Variants in OSBPL5 observed in about 807,000 individuals in gnomAD.
OSBPL5 encodes the protein oxysterol-binding protein-related protein 5.
Under a neutral mutation model 111.2 loss-of-function variants are expected in OSBPL5, and 71 were observed. That is an observed-to-expected ratio of 0.64 (90% CI 0.53 to 0.78). OSBPL5 has a LOEUF of 0.78. Ranked by LOEUF, OSBPL5 falls within the 30% of genes least tolerant of loss-of-function variation. OSBPL5 has a pLI of 0.00. For missense variants in OSBPL5, 1,210 were observed against 1,189.3 expected (o/e 1.02, Z -0.26); for synonymous variants, 549 against 513.9 (o/e 1.07, Z -0.93).
In OSBPL5 at chr11:3,161,990, G is replaced by A. The variant is rs988117427; in HGVS notation, c.-22+3226C>T. Among the ~76,000 whole-genome samples, 3 of 151,928 alleles carry A rather than the reference G, an allele frequency of 2.0e-5. No individual in the cohort carries two copies. Among genetic ancestry groups the A allele is most frequent in the Admixed American group, 6.5e-5 (1 of 15,272 alleles). ...GAGGGGAGAGGGAGGGGAGGGGAGG[G>A]GGAGAGGAGAACAAGGGAAGGGAGA... On this transcript the variant is annotated intron_variant, in intron 1 of 21. Transcript: ENST00000263650. This position sits in a 1 kb window ranked among gnomAD's most constrained non-coding sequence, Gnocchi z 8.0.
chr11:3,126,595 G>A lies in OSBPL5; in HGVS notation c.137-40C>T. On this transcript the variant is annotated intron_variant, in intron 2 of 21. Transcript: ENST00000263650. This position sits in a 1 kb window ranked among gnomAD's most constrained non-coding sequence, Gnocchi z 6.5. ...TGGGAGTGAGGACCCAGGCATGGTG[G>A]CGTGGCCAGGCTTCTCAGGCCGCTG... The A allele has an allele frequency of 6.4e-7, 1 of 1,552,562 alleles. No individual in the cohort carries two copies. The highest frequency in any genetic ancestry group is 8.7e-7 in the Non-Finnish European group (1 of 1,145,008).
At chr11:3,097,980 A>G (rs1857330810) in intron 14 of OSBPL5, among the ~76,000 whole-genome samples, 1 of 152,166 alleles carries the variant, frequency 6.6e-6, no homozygotes, top group East Asian at 1.9e-4. Context: ...AGGCAGGAGA[A>G]TTGCTTGAAC....
chr11:3,159,274 C>T (rs1353678755), intron 1 of OSBPL5, among the ~76,000 whole-genome samples: 1 of 152,188 alleles, frequency 6.6e-6, no homozygotes, highest in Admixed American at 6.5e-5. Context: ...TGGGGGATCT[C>T]ACTACCTCTG....
At position 3,121,970 on chromosome 11, in the gene OSBPL5, G is replaced by C; in HGVS notation, c.402+27C>G. 6.5e-7 allele frequency: 1 copy of C among 1,538,038 alleles called. No individual in the cohort carries two copies. On this transcript the variant is annotated intron_variant, in intron 5 of 21. Transcript: ENST00000263650. This position sits in a 1 kb window ranked among gnomAD's most constrained non-coding sequence, Gnocchi z 4.3. ...CAGCAGCACGCTGACCCGTGTCCTG[G>C]GTGGCCGGAGGCCGGGCATCACCTA...
At chr11:3,116,459 G>A (rs1367533025) in intron 7 of OSBPL5, among the ~76,000 whole-genome samples, 1 of 152,170 alleles carries the variant, frequency 6.6e-6, no homozygotes, top group Non-Finnish European at 1.5e-5. Context: ...TAGAGACTGT[G>A]ACATCAGAAT....
chr11:3,114,761 G>T (rs959751825), intron 7 of OSBPL5, among the ~76,000 whole-genome samples: 2 of 151,512 alleles, frequency 1.3e-5, no homozygotes, highest in African/African-American at 2.4e-5. Flanking sequence ...ACCACGCCTG[G>T]CTAATTTTTT....
chr11:3,118,358 C>T (rs1024480535), intron 7 of OSBPL5, among the ~76,000 whole-genome samples: 2 of 152,212 alleles, frequency 1.3e-5, no homozygotes, highest in African/African-American at 4.8e-5. Context: ...CCATTTGTCT[C>T]TAATCTACCT....
intron 16 of OSBPL5, 40 bp from the exon 17 acceptor site, chr11:3,093,703 G>T: frequency 1.2e-6 from 2 of 1,612,582 alleles, no homozygotes; most frequent in East Asian, 2.2e-5. Flanking sequence ...CTGGCCTGGC[G>T]TTGACCGCCC....
intron 14 of OSBPL5, 91 bp downstream of exon 14, chr11:3,100,067 T>A: frequency 1.5e-5 from 15 of 991,658 alleles, no homozygotes; most frequent in Non-Finnish European, 2.0e-5. Flanking sequence ...GAAGTAAAGA[T>A]ACCTTCAAGC....
At position 3,100,182 on chromosome 11, in the gene OSBPL5, T is replaced by A; in HGVS notation, c.1597A>T (p.Thr533Ser). The A allele has an allele frequency of 6.2e-7, 1 of 1,614,140 alleles. No individual in the cohort carries two copies. Among genetic ancestry groups the A allele is most frequent in the Non-Finnish European group, 8.5e-7 (1 of 1,180,030 alleles). ...FLNRAEDYTLTMPYAHCKGIL... is the reference protein window; with the variant it reads ...FLNRAEDYTLSMPYAHCKGIL... ...CCTTTGCAGTGGGCGTAGGGCATGGTAAGGGTGTAATCCTCGGCTCGGTTC... is the reference window on the plus strand; with the variant it reads ...CCTTTGCAGTGGGCGTAGGGCATGGAAAGGGTGTAATCCTCGGCTCGGTTC... Residue 533 changes from threonine to serine, a missense_variant, in exon 14 of 22, where the codon ACC (threonine) becomes TCC (serine). Coordinates refer to ENST00000263650, the MANE Select transcript of OSBPL5 (RefSeq NM_020896.4).
Position 3,112,024 on chromosome 11 carries a change from CATGTGTGTGT to C in OSBPL5, c.692-4089_692-4080del, listed in dbSNP as rs1327496014. On this transcript the variant is annotated intron_variant, in intron 7 of 21. Transcript: ENST00000263650. ...GTGTGTGTGTGCGCGCATGTGTGTGCATGTGTGTGTATGTGTGCGCGCATGTGTGTGCATG... is the reference window on the plus strand; with the variant it reads ...GTGTGTGTGTGCGCGCATGTGTGTGCATGTGTGCGCGCATGTGTGTGCATG... Among the ~76,000 whole-genome samples, 214 of 42,720 alleles carry C rather than the reference CATGTGTGTGT, an allele frequency of 5.0e-3. 2 individuals carry two copies. The highest frequency in any genetic ancestry group is 0.013 in the Non-Finnish European group (194 of 15,380). The allele number at this position is 42,720 out of a possible 152,430, so 28.0% of individuals were successfully genotyped here.
At chr11:3,143,195 G>A in intron 1 of OSBPL5, among the ~76,000 whole-genome samples, 1 of 116,654 alleles carries the variant, frequency 8.6e-6, no homozygotes, top group Non-Finnish European at 1.8e-5. Context: ...CCGGGCAGAG[G>A]AGGCAGGTGC....
At chr11:3,124,811 AATGGATGGATGG>A (rs71035488) in intron 3 of OSBPL5, among the ~76,000 whole-genome samples, 1 of 150,664 alleles carries the variant, frequency 6.6e-6, no homozygotes, top group Admixed American at 6.6e-5. Flanking sequence ...TGAATGGATG[AATGGATGGATGG>A]ATGGATGGAT....
chr11:3,106,390 C>T lies in OSBPL5; in HGVS notation c.1059+873G>A, dbSNP rs775769854. Among the ~76,000 whole-genome samples the T allele has an allele frequency of 2.6e-5, 4 of 151,992 alleles. No homozygotes were observed. Among genetic ancestry groups the T allele is most frequent in the Admixed American group, 6.5e-5 (1 of 15,276 alleles). On this transcript the variant is annotated intron_variant, in intron 9 of 21. Transcript: ENST00000263650. This position sits in a 1 kb window ranked among gnomAD's most constrained non-coding sequence, Gnocchi z 8.4. ...ATCCCAGATCACAGAGCCCCCCGTT[C>T]CTGACAGCCCCCACCCCAGAGCGCA...
chr11:3,156,919 G>A (rs557202543), intron 1 of OSBPL5, among the ~76,000 whole-genome samples: 2 of 152,286 alleles, frequency 1.3e-5, no homozygotes, highest in Admixed American at 1.3e-4. Flanking sequence ...CTTGCCCATG[G>A]CCCCACACAG....
Position 3,092,917 on chromosome 11 carries a change from C to G in OSBPL5, c.2082G>C (p.Gln694His). ...GGGTGATGGGGTCCAGGTGGAACAG[C>G]TGCGGCTTCCAGGGCATGAGGCTCT... ...RQESLMPWKPQLFHLDPITQE... is the reference protein window; with the variant it reads ...RQESLMPWKPHLFHLDPITQE... Residue 694 changes from glutamine (Q) to histidine (H), a missense_variant, in exon 18 of 22, where the codon CAG (glutamine) becomes CAC (histidine). Physicochemically the swap from Gln to His is conservative, Grantham distance 24. Coordinates refer to ENST00000263650, the MANE Select transcript of OSBPL5 (RefSeq NM_020896.4). This position sits in a 1 kb window ranked among gnomAD's most constrained non-coding sequence, Gnocchi z 5.4. 6 of 1,567,036 alleles carry G rather than the reference C, an allele frequency of 3.8e-6. No individual in the cohort carries two copies. Among genetic ancestry groups the G allele is most frequent in the South Asian group, 1.2e-5 (1 of 85,296 alleles).
Position 3,110,568 on chromosome 11 carries a change from A to G in OSBPL5, c.692-2623T>C, listed in dbSNP as rs1857888249. ...GTTGTTTCAATGGTGCCTGGTGTGA[A>G]AGGAAAATCTTGGGCCCCTCAAATC... On this transcript the variant is annotated intron_variant, in intron 7 of 21. Transcript: ENST00000263650. This position sits in a 1 kb window ranked among gnomAD's most constrained non-coding sequence, Gnocchi z 5.3. 6.6e-6 allele frequency among the ~76,000 whole-genome samples: 1 copy of G among 152,152 alleles called. No individual in the cohort carries two copies. The highest frequency in any genetic ancestry group is 6.5e-5 in the Admixed American group (1 of 15,274).
intron 4 of OSBPL5, 21 bp downstream of exon 4, chr11:3,122,327 C>A (rs935843308): frequency 3.1e-6 from 5 of 1,608,540 alleles, no homozygotes; most frequent in Non-Finnish European, 4.2e-6. Flanking sequence ...ACTGCTGCAC[C>A]CTCCCCGGGC....
intron 14 of OSBPL5, among the ~76,000 whole-genome samples, chr11:3,098,034 C>T (rs1857332979): frequency 1.3e-5 from 2 of 152,102 alleles, no homozygotes; most frequent in African/African-American, 4.8e-5. Flanking sequence ...TGCCATTGCA[C>T]TCCAGCCCGG....
Sources: gnomAD v4.1 joint callset for allele counts (sites outside exome capture counted in the v4.1 genomes callset) on GRCh38, gnomAD v4.1.1 for gene constraint, Gnocchi (gnomAD v3.1) non-coding constraint, MANE v1.5 for transcripts, NCBI Gene and HGNC (gene_info 2026-07-23, HGNC 2026-07-21) for gene names.